Variants in CCDC85A observed in about 807,000 individuals in gnomAD.
The protein encoded by CCDC85A is coiled-coil domain-containing protein 85A.
CCDC85A carries 38 observed loss-of-function variants against 50.2 expected under a neutral mutation model. The ratio of observed to expected loss-of-function variants is 0.76; its 90% CI spans 0.58 to 0.99. The LOEUF (loss-of-function observed/expected upper bound fraction) is 0.99. Ranked by LOEUF, CCDC85A falls within the 50% of genes least tolerant of loss-of-function variation. The pLI is 0.00. For missense variants in CCDC85A, 820 were observed against 742.0 expected, an observed-to-expected ratio of 1.11 and a Z score of -1.22; for synonymous variants, 366 against 301.4, an observed-to-expected ratio of 1.21 and a Z score of -2.22.
At chr2:56,289,466 G>T (rs1189587054) in intron 2 of CCDC85A, among the ~76,000 whole-genome samples, 1 of 152,106 alleles carries the variant, frequency 6.6e-6, no homozygotes, top group Non-Finnish European at 1.5e-5. Flanking sequence ...GGATTTCATT[G>T]GGCAAAGGGG....
In CCDC85A at chr2:56,193,041, C is replaced by T. The variant is rs780203850; in HGVS notation, c.841C>T (p.His281Tyr). The T allele has an allele frequency of 5.0e-6, 8 of 1,613,984 alleles. No individual in the cohort carries two copies. The highest frequency in any genetic ancestry group is 6.8e-6 in the Non-Finnish European group (8 of 1,179,902). The change falls in exon 2 of 6, where the codon CAC becomes TAC. Residue 281 changes from histidine (H) to tyrosine (Y), a missense_variant. Coordinates refer to ENST00000407595, the MANE Select transcript of CCDC85A (RefSeq NM_001080433.2). ...PKALKGPSPE[H>Y]HKPLCKGSPE... ...AGCACTCAAAGGACCTAGCCCGGAG[C>T]ACCACAAACCCTTGTGCAAGGGCAG... is the stretch of plus-strand genomic sequence containing the variant.
In CCDC85A at chr2:56,311,264, A is replaced by G. The variant is rs79671397; in HGVS notation, c.1241-31615A>G. On this transcript the variant is annotated intron_variant, in intron 2 of 5. Coordinates refer to ENST00000407595, the MANE Select transcript of CCDC85A (RefSeq NM_001080433.2). The stretch of plus-strand genomic sequence containing the variant: ...CAGCCTTCCTCTTCCACTGCTTCCT[A>G]TTTCACTCCTGCCCTCATTAACATT... Among the ~76,000 whole-genome samples, 1,485 of 152,076 alleles carry G rather than the reference A, an allele frequency of 9.8e-3. 24 individuals carry two copies. Among genetic ancestry groups the G allele is most frequent in the African/African-American group, 0.033 (1,382 of 41,478 alleles).
intron 2 of CCDC85A, among the ~76,000 whole-genome samples, chr2:56,217,080 C>T (rs1354928072): frequency 6.6e-6 from 1 of 151,920 alleles, no homozygotes; most frequent in African/African-American, 2.4e-5. Flanking sequence ...TGCTTTTCCT[C>T]TGTCAGACTC....
intron 2 of CCDC85A, among the ~76,000 whole-genome samples, chr2:56,281,248 A>G (rs1413623767): frequency 6.6e-6 from 1 of 152,172 alleles, no homozygotes; most frequent in African/African-American, 2.4e-5. Context: ...AGATTAAGCC[A>G]TGTTGTTGCA....
At chr2:56,375,706 G>T in intron 4 of CCDC85A, 110 bp from the exon 5 acceptor site, 1 of 1,180,672 alleles carries the variant, frequency 8.5e-7, no homozygotes. Flanking sequence ...TTAGGAAAAA[G>T]TAACAAAATG....
intron 4 of CCDC85A, among the ~76,000 whole-genome samples, chr2:56,373,632 G>C (rs1676191614): frequency 6.6e-6 from 1 of 152,154 alleles, no homozygotes; most frequent in Non-Finnish European, 1.5e-5. Context: ...GGGCAGAAAA[G>C]GATTTGAAAG....
chr2:56,196,323 G>T (rs1033767181), intron 2 of CCDC85A, among the ~76,000 whole-genome samples: 1 of 152,160 alleles, frequency 6.6e-6, no homozygotes, highest in Non-Finnish European at 1.5e-5. Flanking sequence ...TTTTCAAATA[G>T]GAAGTAGATT....
At chr2:56,232,769 T>G (rs1184506717) in intron 2 of CCDC85A, among the ~76,000 whole-genome samples, 1 of 152,166 alleles carries the variant, frequency 6.6e-6, no homozygotes, top group East Asian at 1.9e-4. Context: ...CCCATATTTC[T>G]CCATCTTTAT....
intron 2 of CCDC85A, among the ~76,000 whole-genome samples, chr2:56,239,154 A>G (rs1669148578): frequency 2.0e-5 from 3 of 152,158 alleles, no homozygotes; most frequent in Admixed American, 6.5e-5. Context: ...CAGACATTTC[A>G]GTGTCATTTT....
intron 2 of CCDC85A, among the ~76,000 whole-genome samples, chr2:56,335,601 C>T: frequency 7.5e-6 from 1 of 133,330 alleles, no homozygotes; most frequent in African/African-American, 3.3e-5. Context: ...GGGCCAAACT[C>T]ATCTTTTTTT....
Position 56,237,032 on chromosome 2 carries a change from T to A in CCDC85A, c.1240+43592T>A, listed in dbSNP as rs539095730. Among the ~76,000 whole-genome samples the A allele has an allele frequency of 4.2e-4, 64 of 152,320 alleles. 1 individual carries two copies. Among genetic ancestry groups the A allele is most frequent in the African/African-American group, 1.5e-3 (62 of 41,582 alleles). ...TCAAAATGTATTTCAGTTGGTTAAC[T>A]AATCTGTGAAAAATGCTGATTTGAT... is the stretch of plus-strand genomic sequence containing the variant. On this transcript the variant is annotated intron_variant, in intron 2 of 5. Coordinates refer to ENST00000407595, the MANE Select transcript of CCDC85A (RefSeq NM_001080433.2).
At chr2:56,307,043 A>T (rs1448063854) in intron 2 of CCDC85A, among the ~76,000 whole-genome samples, 1 of 152,186 alleles carries the variant, frequency 6.6e-6, no homozygotes, top group African/African-American at 2.4e-5. Context: ...TAGAGAGAGG[A>T]TTAAGCATTT....
At chr2:56,191,667 T>C (rs1676300340) in intron 1 of CCDC85A, among the ~76,000 whole-genome samples, 1 of 152,164 alleles carries the variant, frequency 6.6e-6, no homozygotes, top group Non-Finnish European at 1.5e-5. Flanking sequence ...AGAGGGGGCA[T>C]TTGCTGAGAG....
intron 2 of CCDC85A, among the ~76,000 whole-genome samples, chr2:56,252,019 C>G (rs1268477322): frequency 6.6e-6 from 1 of 151,398 alleles, no homozygotes; most frequent in Non-Finnish European, 1.5e-5. Context: ...GGGCTTCATC[C>G]CCTCATAGTT....
At chr2:56,326,457 A>C (rs1352842429) in intron 2 of CCDC85A, among the ~76,000 whole-genome samples, 1 of 152,158 alleles carries the variant, frequency 6.6e-6, no homozygotes, top group Non-Finnish European at 1.5e-5. Flanking sequence ...AGAAAAAATG[A>C]TAGAATCCTT....
intron 2 of CCDC85A, among the ~76,000 whole-genome samples, chr2:56,225,267 A>G (rs1211368027): frequency 6.6e-6 from 1 of 152,128 alleles, no homozygotes; most frequent in Non-Finnish European, 1.5e-5. Flanking sequence ...TACTAAAATT[A>G]TATAAACAAC....
At chr2:56,316,076 G>T (rs1013329616) in intron 2 of CCDC85A, among the ~76,000 whole-genome samples, 3 of 152,076 alleles carry the variant, frequency 2.0e-5, no homozygotes, top group African/African-American at 7.2e-5. Flanking sequence ...TGTTGGCAAG[G>T]AACATAGTGT....
At chr2:56,312,854 TCTTAAAA>T in intron 2 of CCDC85A, among the ~76,000 whole-genome samples, 1 of 151,708 alleles carries the variant, frequency 6.6e-6, no homozygotes, top group East Asian at 1.9e-4. Flanking sequence ...TATTTATAAG[TCTTAAAA>T]CTGATTTGAT....
At chr2:56,190,644 G>T (rs11696109) in intron 1 of CCDC85A, among the ~76,000 whole-genome samples, 1 of 151,866 alleles carries the variant, frequency 6.6e-6, no homozygotes, top group Admixed American at 6.6e-5. Flanking sequence ...GAGCATTCCA[G>T]GTGAGAGGGA....
Sources: allele counts gnomAD v4.1 joint callset (sites outside exome capture counted in the v4.1 genomes callset), GRCh38; gene constraint gnomAD v4.1.1; transcripts MANE v1.5; gene names NCBI Gene and HGNC (gene_info 2026-07-23, HGNC 2026-07-21).